The following SRBD1 variants were observed in gnomAD, a reference collection of about 807,000 sequenced individuals.
SRBD1 encodes S1 RNA-binding domain-containing protein 1.
In SRBD1, 88 loss-of-function variants were observed where a neutral mutation model predicts 115.3. The ratio of observed to expected loss-of-function variants is 0.76; its 90% CI spans 0.64 to 0.91. SRBD1 has a LOEUF of 0.91. SRBD1 is among the 40% of genes least tolerant of loss of function. SRBD1 has a pLI of 0.00. For synonymous variants in SRBD1, 509 were observed against 407.7 expected (o/e 1.25, Z -2.99); for missense variants, 1,385 against 1,177.4 (o/e 1.18, Z -2.58).
At chr2:45,484,585 G>A (rs1028990111) in intron 15 of SRBD1, among the ~76,000 whole-genome samples, 3 of 152,142 alleles carry the variant, frequency 2.0e-5, no homozygotes, top group Non-Finnish European at 4.4e-5. Flanking sequence ...TTATTTTATT[G>A]AGGTGAAATT....
At chr2:45,437,357 T>TAAAAAAA (rs144108756) in intron 16 of SRBD1, among the ~76,000 whole-genome samples, 1 of 133,992 alleles carries the variant, frequency 7.5e-6, no homozygotes, top group Non-Finnish European at 1.6e-5. Flanking sequence ...AGTATTGGTT[T>TAAAAAAA]AAAAAAAAAA....
In SRBD1 at chr2:45,392,953, A is replaced by C; in HGVS notation, c.2690T>G (p.Phe897Cys). 6.2e-7 allele frequency: 1 copy of C among 1,603,148 alleles called. No individual in the cohort carries two copies. Among genetic ancestry groups the C allele is most frequent in the Non-Finnish European group, 8.5e-7 (1 of 1,174,382 alleles). ...DGLSQPESFD[F>C]RTDFDKPDFK... is the part of the protein sequence containing the mutation. ...CAAGTTCAACTGTTTACCTGTTCGA[A>C]AGTCAAAGCTTTCAGGCTGGCTGAG... Residue 897 changes from phenylalanine to cysteine, a missense_variant, in exon 20 of 21, where the codon TTT becomes TGT. By Grantham distance (205) the Phe-to-Cys change is radical. Transcript: ENST00000263736.
chr2:45,490,888 T>C (rs533869538), intron 14 of SRBD1, among the ~76,000 whole-genome samples: 3 of 152,314 alleles, frequency 2.0e-5, no homozygotes, highest in East Asian at 3.9e-4. Context: ...ATACAAAATG[T>C]AGTAAATTTC....
intron 14 of SRBD1, among the ~76,000 whole-genome samples, chr2:45,496,359 C>A (rs1363865319): frequency 6.6e-6 from 1 of 151,518 alleles, no homozygotes; most frequent in African/African-American, 2.4e-5. Flanking sequence ...TAATATTTTG[C>A]TATATTTTCC....
chr2:45,474,156 C>A (rs571699879), intron 16 of SRBD1, among the ~76,000 whole-genome samples: 2 of 152,312 alleles, frequency 1.3e-5, no homozygotes, highest in South Asian at 4.1e-4. Flanking sequence ...ATGCAATAAT[C>A]TCTTTTCTCT....
chr2:45,522,871 T>C (rs982522381), intron 14 of SRBD1, among the ~76,000 whole-genome samples: 1 of 152,192 alleles, frequency 6.6e-6, no homozygotes, highest in African/African-American at 2.4e-5. Context: ...GTTTATGTTA[T>C]CAATAATGCT....
At chr2:45,547,405 G>T in intron 13 of SRBD1, 117 bp downstream of exon 13, 1 of 844,918 alleles carries the variant, frequency 1.2e-6, no homozygotes, top group Non-Finnish European at 1.8e-6. Flanking sequence ...GTTTTATATG[G>T]TTTATTGTCT....
intron 10 of SRBD1, among the ~76,000 whole-genome samples, chr2:45,556,918 T>TTGCTGC (rs553666915): frequency 6.6e-6 from 1 of 152,062 alleles, no homozygotes; most frequent in African/African-American, 2.4e-5. Flanking sequence ...ATGTAAGTTT[T>TTGCTGC]TGCTGCTGCT....
intron 9 of SRBD1, among the ~76,000 whole-genome samples, chr2:45,570,785 C>G (rs1672982180): frequency 6.6e-6 from 1 of 152,114 alleles, no homozygotes; most frequent in African/African-American, 2.4e-5. Flanking sequence ...TCTCAAATAA[C>G]TATGGTTGTG....
chr2:45,534,443 G>C (rs1053946487), intron 14 of SRBD1, among the ~76,000 whole-genome samples: 3 of 151,872 alleles, frequency 2.0e-5, no homozygotes, highest in Non-Finnish European at 4.4e-5. Context: ...CAAAATTCTA[G>C]AATGTCACAG....
intron 14 of SRBD1, among the ~76,000 whole-genome samples, chr2:45,511,662 G>A (rs1572718314): frequency 6.6e-6 from 1 of 152,064 alleles, no homozygotes; most frequent in Non-Finnish European, 1.5e-5. Flanking sequence ...CAATGTTATC[G>A]GCAAAAATTC....
intron 14 of SRBD1, among the ~76,000 whole-genome samples, chr2:45,509,060 A>G (rs1420285946): frequency 6.6e-6 from 1 of 152,078 alleles, no homozygotes; most frequent in Non-Finnish European, 1.5e-5. Context: ...ATCCATTAAA[A>G]TTTTTTCTTT....
intron 16 of SRBD1, among the ~76,000 whole-genome samples, chr2:45,445,550 TAAAAAAAAAAAAAAA>T (rs59451865): frequency 2.2e-4 from 8 of 37,026 alleles, no homozygotes; most frequent in Admixed American, 3.7e-4. Flanking sequence ...TTCCCAGAGG[TAAAAAAAAAAAAAAA>T]AAAAAAAAAA....
At chr2:45,456,067 T>C (rs1345112138) in intron 16 of SRBD1, among the ~76,000 whole-genome samples, 1 of 151,814 alleles carries the variant, frequency 6.6e-6, no homozygotes, top group Non-Finnish European at 1.5e-5. Context: ...TCCTGGCAAA[T>C]GCAAAAGAAA....
Position 45,398,371 on chromosome 2 carries a change from AAAAAG to A in SRBD1, c.2514-5247_2514-5243del, listed in dbSNP as rs1487336200. Among the ~76,000 whole-genome samples the A allele has an allele frequency of 8.5e-5, 13 of 152,284 alleles. No homozygotes were observed. The East Asian group carries it at 2.5e-3, about 29-fold the overall frequency. ...CCTGCATATATGAGTAGAAGAAAAA[AAAAAG>A]AAATGACAAGAGAAAGATTTCCTGT... is the stretch of plus-strand genomic sequence containing the variant. On this transcript the variant is annotated intron_variant, in intron 19 of 20. Coordinates refer to ENST00000263736, the MANE Select transcript of SRBD1 (RefSeq NM_018079.5).
chr2:45,589,503 T>A (rs1673647510), intron 4 of SRBD1, among the ~76,000 whole-genome samples: 1 of 152,124 alleles, frequency 6.6e-6, no homozygotes, highest in Admixed American at 6.6e-5. Flanking sequence ...TGCTCATCAT[T>A]TTGGAACTGT....
chr2:45,477,978 A>G (rs1485865353), intron 15 of SRBD1, among the ~76,000 whole-genome samples: 7 of 99,150 alleles, frequency 7.1e-5, no homozygotes, highest in African/African-American at 2.6e-4. Context: ...TTTTTTTTTT[A>G]CCAAATATCA....
rs529659440 is a variant in SRBD1 at position 45,600,736 on chromosome 2, A to G, written c.262-901T>C. Among the ~76,000 whole-genome samples the G allele has an allele frequency of 3.3e-5, 5 of 152,316 alleles. No homozygotes were observed. The East Asian group carries it at 9.6e-4, about 29-fold the overall frequency. On this transcript the variant is annotated intron_variant, in intron 3 of 20. Coordinates refer to ENST00000263736, the MANE Select transcript of SRBD1 (RefSeq NM_018079.5). ...TCTCGGCACTGGGTATAGTGTAAAT[A>G]AGATAAAGACCCTACCCCTAAGCTG...
chr2:45,607,979 C>T (rs2104272003), intron 1 of SRBD1, among the ~76,000 whole-genome samples: 1 of 152,282 alleles, frequency 6.6e-6, no homozygotes, highest in East Asian at 1.9e-4. Context: ...TGCTAAGCTT[C>T]CCATCAAACA....
Sources: allele counts gnomAD v4.1 joint callset (sites outside exome capture counted in the v4.1 genomes callset), GRCh38; gene constraint gnomAD v4.1.1; transcripts MANE v1.5; gene names NCBI Gene and HGNC (gene_info 2026-07-23, HGNC 2026-07-21).